The following SRD5A2 variants were observed in gnomAD, a reference collection of about 807,000 sequenced individuals.
SRD5A2 encodes the protein 3-oxo-5-alpha-steroid 4-dehydrogenase 2.
Under a neutral mutation model 27.4 loss-of-function variants are expected in SRD5A2, and 30 were observed. That is an observed-to-expected ratio of 1.10 (90% CI 0.82 to 1.49). The LOEUF is 1.49. Among genes scored for constraint, SRD5A2 ranks in the 40% most tolerant of loss-of-function variants. The pLI is 0.00. For synonymous variants in SRD5A2, 141 were observed against 133.6 expected, an observed-to-expected ratio of 1.06 and a Z score of -0.38; for missense variants, 348 against 323.4, an observed-to-expected ratio of 1.08 and a Z score of -0.58.
At chr2:31,528,984 A>G (rs1665841018) in intron 4 of SRD5A2, among the ~76,000 whole-genome samples, 1 of 152,198 alleles carries the variant, frequency 6.6e-6, no homozygotes, top group African/African-American at 2.4e-5. Context: ...AGCTAACCCA[A>G]GAAGGTGCAA....
upstream of SRD5A2, among the ~76,000 whole-genome samples, chr2:31,585,702 G>C (rs939090124): frequency 6.6e-6 from 1 of 152,142 alleles, no homozygotes; most frequent in Non-Finnish European, 1.5e-5. Context: ...AGACTAGCTG[G>C]TTTCAGGTAC....
At chr2:31,592,573 A>G in the SRD5A2 span, among the ~76,000 whole-genome samples, 1 of 152,288 alleles carries the variant, frequency 6.6e-6, no homozygotes, top group East Asian at 1.9e-4. Context: ...CAGTAGTCCC[A>G]CTGGGTGGCT....
chr2:31,588,412 A>G, the SRD5A2 span, among the ~76,000 whole-genome samples: 2 of 152,230 alleles, frequency 1.3e-5, no homozygotes, highest in Non-Finnish European at 2.9e-5. Context: ...GCTCCAATAC[A>G]TCTGGCAGCA....
At chr2:31,658,687 A>G in the SRD5A2 span, among the ~76,000 whole-genome samples, 1 of 152,120 alleles carries the variant, frequency 6.6e-6, no homozygotes, top group African/African-American at 2.4e-5. Context: ...CAAATCCTGA[A>G]CAGAAAAAAT....
intron 1 of SRD5A2, among the ~76,000 whole-genome samples, chr2:31,537,246 T>G (rs1666045454): frequency 6.6e-6 from 1 of 152,220 alleles, no homozygotes; most frequent in East Asian, 1.9e-4. Flanking sequence ...CTGTTCTGTA[T>G]AGTAATTACA....
At chr2:31,624,411 C>T in the SRD5A2 span, among the ~76,000 whole-genome samples, 12 of 151,820 alleles carry the variant, frequency 7.9e-5, no homozygotes, top group Non-Finnish European at 1.6e-4. Context: ...ATGTGCACAA[C>T]ATGCAGATTT....
chr2:31,642,229 C>T, the SRD5A2 span, among the ~76,000 whole-genome samples: 1 of 152,010 alleles, frequency 6.6e-6, no homozygotes, highest in Non-Finnish European at 1.5e-5. Context: ...ATTCACAGCA[C>T]ACACAAAAAT....
At chr2:31,594,354 A>G in the SRD5A2 span, among the ~76,000 whole-genome samples, 1 of 152,202 alleles carries the variant, frequency 6.6e-6, no homozygotes, top group African/African-American at 2.4e-5. Context: ...AAAGTGAGGG[A>G]AAAGACATTC....
the SRD5A2 span, among the ~76,000 whole-genome samples, chr2:31,624,213 A>G: frequency 6.6e-6 from 1 of 152,046 alleles, no homozygotes; most frequent in Non-Finnish European, 1.5e-5. Context: ...CATGTCATTT[A>G]TCCCTTGTGT....
rs61750385 is a variant in SRD5A2, at chr2:31,580,718, G to C, written c.183C>G (p.Phe61Leu). The C allele has an allele frequency of 6.2e-7, 1 of 1,606,698 alleles. No individual in the cohort carries two copies. The highest frequency in any genetic ancestry group is 8.5e-7 in the Non-Finnish European group (1 of 1,179,262). The change falls in exon 1 of 5, where the codon TTC (phenylalanine) becomes TTG (leucine). Residue 61 changes from phenylalanine to leucine, a missense_variant. Coordinates refer to ENST00000622030, the MANE Select transcript of SRD5A2 (RefSeq NM_000348.4). ...AAWFLQELPS[F>L]AVPAGILARQ... The stretch of plus-strand genomic sequence containing the variant: ...GGGCGAGGATCCCCGCGGGCACCGC[G>C]AAGGAAGGCAGCTCCTGCAGGAACC...
chr2:31,632,147 G>A, the SRD5A2 span, among the ~76,000 whole-genome samples: 1 of 152,082 alleles, frequency 6.6e-6, no homozygotes, highest in South Asian at 2.1e-4. Context: ...TAGGTCCAGA[G>A]CAAAACTTAG....
At chr2:31,600,115 A>T in the SRD5A2 span, among the ~76,000 whole-genome samples, 1 of 152,026 alleles carries the variant, frequency 6.6e-6, no homozygotes, top group Non-Finnish European at 1.5e-5. Flanking sequence ...TAGTTTGCTA[A>T]GTATAGTGGC....
chr2:31,600,517 G>C, the SRD5A2 span, among the ~76,000 whole-genome samples: 1 of 151,744 alleles, frequency 6.6e-6, no homozygotes, highest in East Asian at 1.9e-4. Context: ...TGACTTTTTA[G>C]TCATAGCAAT....
intron 1 of SRD5A2, among the ~76,000 whole-genome samples, chr2:31,565,268 T>C (rs959051837): frequency 7.3e-5 from 11 of 151,678 alleles, no homozygotes; most frequent in African/African-American, 9.7e-5. Context: ...GGAATATAAA[T>C]AGGAAATAGG....
chr2:31,570,116 G>A (rs1398816048), intron 1 of SRD5A2, among the ~76,000 whole-genome samples: 3 of 151,970 alleles, frequency 2.0e-5, no homozygotes, highest in Non-Finnish European at 4.4e-5. Flanking sequence ...GAACATCAGG[G>A]CAAAAATCCC....
At chr2:31,530,590 C>T (rs1441135764) in intron 3 of SRD5A2, among the ~76,000 whole-genome samples, 1 of 152,178 alleles carries the variant, frequency 6.6e-6, no homozygotes, top group Admixed American at 6.5e-5. Flanking sequence ...GTAACTTTGT[C>T]ATTAATTTCT....
chr2:31,562,275 T>A (rs933766143), intron 1 of SRD5A2, among the ~76,000 whole-genome samples: 1 of 152,282 alleles, frequency 6.6e-6, no homozygotes, highest in Admixed American at 6.5e-5. Flanking sequence ...ATAGTGTATA[T>A]GTTTATGTGG....
the SRD5A2 span, among the ~76,000 whole-genome samples, chr2:31,610,409 G>A: frequency 2.6e-5 from 4 of 152,068 alleles, no homozygotes; most frequent in Non-Finnish European, 5.9e-5. Flanking sequence ...TATCAACAAA[G>A]TAGAAAAAGA....
At chr2:31,662,069 A>G in the SRD5A2 span, among the ~76,000 whole-genome samples, 1 of 152,074 alleles carries the variant, frequency 6.6e-6, no homozygotes, top group Non-Finnish European at 1.5e-5. Context: ...CATTTTTCCC[A>G]CAGATTCTTT....
Sources: gnomAD v4.1 joint callset for allele counts (sites outside exome capture counted in the v4.1 genomes callset) on GRCh38, gnomAD v4.1.1 for gene constraint, MANE v1.5 for transcripts, NCBI Gene and HGNC (gene_info 2026-07-23, HGNC 2026-07-21) for gene names.